LRFN2: variants seen among roughly 807,000 people sequenced by gnomAD.
LRFN2 encodes the protein leucine rich repeat and fibronectin type III domain containing 2.
A neutral mutation model predicts 37.3 loss-of-function variants in LRFN2; 18 were observed. The ratio of observed to expected loss-of-function variants is 0.48; its 90% CI spans 0.33 to 0.72. The LOEUF (loss-of-function observed/expected upper bound fraction) is 0.72. Ranked by LOEUF, LRFN2 falls within the 30% of genes least tolerant of loss-of-function variation. The probability of loss-of-function intolerance (pLI) is 0.02; values close to 1 mark genes in which losing one functional copy is unlikely to be tolerated. For missense variants in LRFN2, 1,006 were observed against 1,060.7 expected (o/e 0.95, Z 0.72); for synonymous variants, 556 against 466.6 (o/e 1.19, Z -2.47).
chr6:40,393,952 G>A (rs138839306), intron 2 of LRFN2, among the ~76,000 whole-genome samples: 130 of 152,312 alleles, frequency 8.5e-4, no homozygotes, highest in African/African-American at 2.9e-3. Context: ...CTGCTGCTTA[G>A]GGGTGGAGGG....
intron 1 of LRFN2, among the ~76,000 whole-genome samples, chr6:40,452,089 G>C (rs1474345399): frequency 6.6e-6 from 1 of 152,118 alleles, no homozygotes; most frequent in East Asian, 1.9e-4. Flanking sequence ...AAGGCACAGG[G>C]AAAAGGCCAG....
chr6:40,499,907 C>G (rs779664854), intron 1 of LRFN2, among the ~76,000 whole-genome samples: 6 of 152,190 alleles, frequency 3.9e-5, no homozygotes, highest in Non-Finnish European at 5.9e-5. Flanking sequence ...ATGGGAAGAA[C>G]AGCAGCACCT....
chr6:40,435,659 C>T (rs1214347021), intron 1 of LRFN2, among the ~76,000 whole-genome samples: 1 of 152,136 alleles, frequency 6.6e-6, no homozygotes, highest in Non-Finnish European at 1.5e-5. Flanking sequence ...CTGCCTCAGC[C>T]TCCCTAGTAG....
At chr6:40,551,959 A>T (rs1766784240) in intron 1 of LRFN2, among the ~76,000 whole-genome samples, 1 of 152,214 alleles carries the variant, frequency 6.6e-6, no homozygotes, top group Non-Finnish European at 1.5e-5. Context: ...GCCCAAAGAA[A>T]AAAAAAGACC....
At chr6:40,541,169 G>A (rs1010670587) in intron 1 of LRFN2, among the ~76,000 whole-genome samples, 1 of 152,170 alleles carries the variant, frequency 6.6e-6, no homozygotes, top group South Asian at 2.1e-4. Flanking sequence ...AGCCATCAGC[G>A]GGTCCCAGGC....
In LRFN2 at chr6:40,527,429, T is replaced by C. The variant is rs557958658; in HGVS notation, c.-19+59512A>G. 2.0e-5 allele frequency among the ~76,000 whole-genome samples: 3 copies of C among 152,306 alleles called. No homozygotes were observed. The South Asian group carries it at 6.2e-4, about 32-fold the overall frequency. On this transcript the variant is annotated intron_variant, in intron 1 of 2. Coordinates refer to ENST00000338305, the MANE Select transcript of LRFN2 (RefSeq NM_020737.3). Reference sequence around the variant, plus strand: ...TGACATACACAGTGAGACAAGATATTTACCTAAAGCTACACAGACAGCAAG... The same window carrying C: ...TGACATACACAGTGAGACAAGATATCTACCTAAAGCTACACAGACAGCAAG...
At chr6:40,484,308 G>A (rs1764901434) in intron 1 of LRFN2, among the ~76,000 whole-genome samples, 1 of 152,180 alleles carries the variant, frequency 6.6e-6, no homozygotes, top group Non-Finnish European at 1.5e-5. Flanking sequence ...CAAGCTGTGT[G>A]ATCAGCGGCT....
chr6:40,520,619 G>C (rs570931084), intron 1 of LRFN2, among the ~76,000 whole-genome samples: 33 of 152,264 alleles, frequency 2.2e-4, no homozygotes, highest in Non-Finnish European at 4.6e-4. Flanking sequence ...GGCCACTGCT[G>C]TTCATACAAT....
At chr6:40,430,666 T>C (rs1361139510) in intron 2 of LRFN2, among the ~76,000 whole-genome samples, 1 of 152,160 alleles carries the variant, frequency 6.6e-6, no homozygotes, top group East Asian at 1.9e-4. Context: ...ACATTTAACC[T>C]CCCTTTCTAC....
chr6:40,453,779 C>A (rs537529361), intron 1 of LRFN2, among the ~76,000 whole-genome samples: 1 of 152,244 alleles, frequency 6.6e-6, no homozygotes, highest in African/African-American at 2.4e-5. Context: ...GCCCAAGGAT[C>A]AGTAAGTCAC....
intron 1 of LRFN2, among the ~76,000 whole-genome samples, chr6:40,501,986 T>C (rs949013885): frequency 6.6e-6 from 1 of 152,170 alleles, no homozygotes; most frequent in Admixed American, 6.5e-5. Context: ...CCAAGCCCAG[T>C]GGAGACCCAG....
At chr6:40,573,692 T>C (rs1294964825) in intron 1 of LRFN2, among the ~76,000 whole-genome samples, 1 of 152,144 alleles carries the variant, frequency 6.6e-6, no homozygotes, top group African/African-American at 2.4e-5. Flanking sequence ...AAACTGAAAG[T>C]CCTGGCTGGG....
intron 1 of LRFN2, among the ~76,000 whole-genome samples, chr6:40,521,973 G>C (rs1766086746): frequency 6.6e-6 from 1 of 152,218 alleles, no homozygotes; most frequent in African/African-American, 2.4e-5. Flanking sequence ...GCTGGCTGAA[G>C]AGTTTCTCAA....
intron 1 of LRFN2, among the ~76,000 whole-genome samples, chr6:40,556,332 C>T (rs1766877324): frequency 6.6e-6 from 1 of 152,206 alleles, no homozygotes; most frequent in Admixed American, 6.5e-5. Flanking sequence ...CTGACAGGCC[C>T]CTCTTGCCCT....
At chr6:40,467,760 T>G (rs769722633) in intron 1 of LRFN2, among the ~76,000 whole-genome samples, 1 of 152,128 alleles carries the variant, frequency 6.6e-6, no homozygotes, top group Non-Finnish European at 1.5e-5. Context: ...GGAGGAGATA[T>G]AGCCTGTCTT....
At chr6:40,395,261 G>A (rs928020892) in intron 2 of LRFN2, among the ~76,000 whole-genome samples, 23 of 152,212 alleles carry the variant, frequency 1.5e-4, no homozygotes, top group African/African-American at 5.5e-4. Flanking sequence ...TCACACAGCT[G>A]GGACTGCTAG....
At chr6:40,398,879 A>T (rs926884624) in intron 2 of LRFN2, among the ~76,000 whole-genome samples, 2 of 151,876 alleles carry the variant, frequency 1.3e-5, no homozygotes, top group African/African-American at 4.8e-5. Context: ...TACGGCTGAT[A>T]CTAGAGGTCT....
Position 40,499,442 on chromosome 6 carries a change from G to A in LRFN2, c.-18-66311C>T, listed in dbSNP as rs73432650. Among the ~76,000 whole-genome samples, 1,114 of 152,170 alleles carry A rather than the reference G, an allele frequency of 7.3e-3. 18 individuals carry two copies. The highest frequency in any genetic ancestry group is 0.025 in the African/African-American group (1,024 of 41,510). On this transcript the variant is annotated intron_variant, in intron 1 of 2. Coordinates refer to ENST00000338305, the MANE Select transcript of LRFN2 (RefSeq NM_020737.3). ...TTGGCCGTAAAAATGTGCTTTGGGC[G>A]GAAAGCTGACTCCCAGGGTCAGAGC...
chr6:40,555,790 T>C (rs1470123861), intron 1 of LRFN2, among the ~76,000 whole-genome samples: 2 of 152,120 alleles, frequency 1.3e-5, no homozygotes, highest in African/African-American at 4.8e-5. Context: ...AGTCTGAGTC[T>C]GCTCCAGCCC....
Sources: allele counts gnomAD v4.1 joint callset (sites outside exome capture counted in the v4.1 genomes callset), GRCh38; gene constraint gnomAD v4.1.1; transcripts MANE v1.5; gene names NCBI Gene and HGNC (gene_info 2026-07-23, HGNC 2026-07-21).